Variants in DLGAP2 observed in about 807,000 individuals in gnomAD.
DLGAP2 encodes the protein DLG associated protein 2.
Under a neutral mutation model 100.3 loss-of-function variants are expected in DLGAP2, and 26 were observed. The ratio of observed to expected loss-of-function variants is 0.26; its 90% CI spans 0.19 to 0.36. The LOEUF (loss-of-function observed/expected upper bound fraction) is 0.36. DLGAP2 is among the 10% of genes least tolerant of loss of function. The pLI, the probability that DLGAP2 is intolerant of heterozygous loss-of-function variation, is 1.00. For synonymous variants in DLGAP2, 886 were observed against 630.1 expected (o/e 1.41, Z -6.08); for missense variants, 1,858 against 1,453.2 (o/e 1.28, Z -4.53).
chr8:1,468,791 T>C (rs1388686685), intron 3 of DLGAP2, among the ~76,000 whole-genome samples: 1 of 152,208 alleles, frequency 6.6e-6, no homozygotes. Context: ...CTGCAGGCTC[T>C]GAAAACCCTC....
chr8:1,145,297 C>G (rs1050901023), intron 2 of DLGAP2, among the ~76,000 whole-genome samples: 1 of 152,140 alleles, frequency 6.6e-6, no homozygotes, highest in Non-Finnish European at 1.5e-5. Flanking sequence ...TCCAGGAAGC[C>G]GCTGTTTTTA....
At chr8:1,446,410 G>A (rs930878379) in intron 3 of DLGAP2, among the ~76,000 whole-genome samples, 2 of 152,138 alleles carry the variant, frequency 1.3e-5, no homozygotes, top group African/African-American at 4.8e-5. Flanking sequence ...GTAGATATGT[G>A]GCATTATTTC....
intron 6 of DLGAP2, among the ~76,000 whole-genome samples, chr8:1,623,265 A>G (rs1797393702): frequency 6.6e-6 from 1 of 152,218 alleles, no homozygotes; most frequent in Non-Finnish European, 1.5e-5. Context: ...ACCTGGACTC[A>G]GAAGGGAGTG....
At chr8:1,466,560 GC>G (rs1798633121) in intron 3 of DLGAP2, among the ~76,000 whole-genome samples, 1 of 151,456 alleles carries the variant, frequency 6.6e-6, no homozygotes, top group Non-Finnish European at 1.5e-5. Context: ...TGTGTGTCTG[GC>G]CCATATGTGA....
At chr8:1,233,100 G>A (rs1369415236) in intron 2 of DLGAP2, among the ~76,000 whole-genome samples, 2 of 152,236 alleles carry the variant, frequency 1.3e-5, no homozygotes, top group African/African-American at 4.8e-5. Context: ...TGTGGTAGCA[G>A]TGCCAGCGCC....
intron 3 of DLGAP2, among the ~76,000 whole-genome samples, chr8:1,435,154 T>C (rs1797579743): frequency 1.3e-5 from 2 of 152,224 alleles, no homozygotes; most frequent in Admixed American, 6.5e-5. Flanking sequence ...CAAGCACAGT[T>C]TGGGGATATT....
intron 1 of DLGAP2, among the ~76,000 whole-genome samples, chr8:865,460 C>T (rs1024635349): frequency 1.3e-5 from 2 of 152,140 alleles, no homozygotes; most frequent in South Asian, 2.1e-4. Flanking sequence ...TTTCAAGCCT[C>T]GTGCTGTTCT....
intron 3 of DLGAP2, among the ~76,000 whole-genome samples, chr8:1,355,809 C>T (rs537577298): frequency 1.7e-4 from 26 of 152,282 alleles, no homozygotes; most frequent in Admixed American, 6.5e-4. Flanking sequence ...CCCCACCCCA[C>T]GGTCCTGGCC....
intron 1 of DLGAP2, among the ~76,000 whole-genome samples, chr8:896,413 G>C (rs1477597470): frequency 1.3e-5 from 2 of 151,978 alleles, no homozygotes; most frequent in Non-Finnish European, 2.9e-5. Flanking sequence ...TGTGACACCA[G>C]GGCGGGGGGG....
chr8:1,319,933 T>A (rs1339490575), intron 3 of DLGAP2, among the ~76,000 whole-genome samples: 3 of 152,090 alleles, frequency 2.0e-5, no homozygotes, highest in African/African-American at 7.2e-5. Flanking sequence ...CCTTTGAGAA[T>A]GTGCCAGGAC....
intron 3 of DLGAP2, among the ~76,000 whole-genome samples, chr8:1,311,231 CAAG>C (rs1234037054): frequency 6.6e-6 from 1 of 151,980 alleles, no homozygotes; most frequent in Non-Finnish European, 1.5e-5. Flanking sequence ...TGACTGAAGA[CAAG>C]ATAAAAAATC....
chr8:1,488,419 G>C (rs1183317570), intron 3 of DLGAP2, among the ~76,000 whole-genome samples: 1 of 152,196 alleles, frequency 6.6e-6, no homozygotes. Context: ...GTGGCTTAAA[G>C]AGAAAGAGAA....
rs554841795 is a variant in DLGAP2 at position 1,333,770 on chromosome 8, A to G, written c.106+74887A>G. On this transcript the variant is annotated intron_variant, in intron 3 of 14. Coordinates refer to ENST00000637795, the MANE Select transcript of DLGAP2 (RefSeq NM_001346810.2). ...TTCTCATACCCAATTTTAATGGGGA[A>G]CTTTCTTTAGAGGAGGTAAGACACA... is the stretch of plus-strand genomic sequence containing the variant. Among the ~76,000 whole-genome samples, 69 of 152,348 alleles carry G rather than the reference A, an allele frequency of 4.5e-4. 1 individual carries two copies. Among genetic ancestry groups the G allele is most frequent in the African/African-American group, 1.7e-3 (69 of 41,584 alleles).
chr8:1,510,165 G>A (rs547620932), intron 4 of DLGAP2, among the ~76,000 whole-genome samples: 3 of 152,330 alleles, frequency 2.0e-5, no homozygotes, highest in African/African-American at 7.2e-5. Flanking sequence ...AAAAGGAGTC[G>A]GAATTTGTCC....
intron 2 of DLGAP2, among the ~76,000 whole-genome samples, chr8:1,181,882 G>A (rs1401638492): frequency 6.6e-6 from 1 of 152,118 alleles, no homozygotes; most frequent in Non-Finnish European, 1.5e-5. Context: ...CTTTGCCATC[G>A]TCCCTGCAAT....
At position 1,255,449 on chromosome 8, in the gene DLGAP2, A is replaced by G. The variant is rs146630976; in HGVS notation, c.74-3402A>G. Among the ~76,000 whole-genome samples, 483 of 80,550 alleles carry G rather than the reference A, an allele frequency of 6.0e-3. 1 individual carries two copies. The highest frequency in any genetic ancestry group is 9.3e-3 in the Non-Finnish European group (388 of 41,920). 52.8% of individuals were successfully genotyped at this position (80,550 alleles called of 152,430 possible). ...TGTCCTCATCCTGCCCGAGCACTGT[A>G]TGTGTGTCCTCTCTTGCCTGGGTGC... is the stretch of plus-strand genomic sequence containing the variant. On this transcript the variant is annotated intron_variant, in intron 2 of 14. Transcript: ENST00000637795.
intron 2 of DLGAP2, among the ~76,000 whole-genome samples, chr8:1,136,438 C>G (rs1796414637): frequency 6.6e-6 from 1 of 152,228 alleles, no homozygotes; most frequent in African/African-American, 2.4e-5. Context: ...GGACAGCTCT[C>G]TGGCTCCCCA....
chr8:1,637,212 C>A (rs755110897), intron 8 of DLGAP2, among the ~76,000 whole-genome samples: 1 of 152,172 alleles, frequency 6.6e-6, no homozygotes, highest in Non-Finnish European at 1.5e-5. Flanking sequence ...GGCCCTGCAG[C>A]CAGCTTCCCT....
At chr8:811,358 A>G (rs1329874036) in intron 1 of DLGAP2, among the ~76,000 whole-genome samples, 1 of 150,758 alleles carries the variant, frequency 6.6e-6, no homozygotes, top group Non-Finnish European at 1.5e-5. Flanking sequence ...TGAAGCTCCC[A>G]TCAACCTTGG....
Sources: allele counts gnomAD v4.1 joint callset (sites outside exome capture counted in the v4.1 genomes callset), GRCh38; gene constraint gnomAD v4.1.1; transcripts MANE v1.5; gene names NCBI Gene and HGNC (gene_info 2026-07-23, HGNC 2026-07-21).